Variants in NAALADL1 observed in about 807,000 individuals in gnomAD.
NAALADL1 encodes aminopeptidase NAALADL1.
Under a neutral mutation model 82.8 loss-of-function variants are expected in NAALADL1, and 77 were observed. The observed-to-expected ratio is 0.93, with a 90% CI of 0.77 to 1.12. The LOEUF (loss-of-function observed/expected upper bound fraction) is 1.12. Among genes scored for constraint, NAALADL1 ranks in the 50% most tolerant of loss-of-function variants. The pLI is 0.00. For missense variants in NAALADL1, 956 were observed against 964.0 expected (o/e 0.99, Z 0.11); for synonymous variants, 358 against 399.2 (o/e 0.90, Z 1.23).
chr11:65,061,139 C>T (rs145230087), upstream of NAALADL1, among the ~76,000 whole-genome samples: 4 of 152,298 alleles, frequency 2.6e-5, no homozygotes, highest in East Asian at 7.7e-4. Context: ...CACCCTTGCC[C>T]CTGGATGTGC....
chr11:65,053,674 G>T lies in NAALADL1; in HGVS notation c.993-98C>A. 4.5e-6 allele frequency: 5 copies of T among 1,104,732 alleles called. No individual in the cohort carries two copies. The highest frequency in any genetic ancestry group is 3.2e-5 in the South Asian group (2 of 62,634). 68.4% of individuals were successfully genotyped at this position (1,104,732 alleles called of 1,614,324 possible). ...AGGCCCGGAGCTGGAAAGTGACGTGGCAAGGCCATTCATTGGCCCCGAAGT... is the reference window on the plus strand; with the variant it reads ...AGGCCCGGAGCTGGAAAGTGACGTGTCAAGGCCATTCATTGGCCCCGAAGT... On this transcript the variant is annotated intron_variant, in intron 6 of 17. Coordinates refer to ENST00000358658, the MANE Select transcript of NAALADL1 (RefSeq NM_005468.3). This position sits in a 1 kb window ranked among gnomAD's most constrained non-coding sequence, Gnocchi z 4.3.
At position 65,047,343 on chromosome 11, in the gene NAALADL1, T is replaced by G. The variant is rs555963273; in HGVS notation, c.1599+132A>C. ...TGTATTTCTGTGTGTGTGTGTGTTT[T>G]TTTTTAAGAAACTTGGCAGAGGTAG... On this transcript the variant is annotated intron_variant, in intron 13 of 17. Coordinates refer to ENST00000358658, the MANE Select transcript of NAALADL1 (RefSeq NM_005468.3). 549 of 742,804 alleles carry G rather than the reference T, an allele frequency of 7.4e-4. 8 individuals carry two copies. The South Asian group carries it at 8.0e-3, about 11-fold the overall frequency. The allele number at this position is 742,804 out of a possible 1,614,324, so 46.0% of individuals were successfully genotyped here.
At chr11:65,060,903 T>C (rs1281023219), upstream of NAALADL1, among the ~76,000 whole-genome samples, 1 of 152,028 alleles carries the variant, frequency 6.6e-6, no homozygotes, top group Non-Finnish European at 1.5e-5. Context: ...GGGTCTTCAA[T>C]CCTCCAGGAC....
chr11:65,055,935 G>C (rs1173303249), intron 4 of NAALADL1, among the ~76,000 whole-genome samples: 5 of 148,858 alleles, frequency 3.4e-5, no homozygotes, highest in African/African-American at 1.2e-4. Flanking sequence ...CCCCAGGCTG[G>C]AGTGCAATGG....
At chr11:65,045,763 G>C (rs1258200115) in intron 17 of NAALADL1, 59 bp downstream of exon 17, 1 of 1,505,780 alleles carries the variant, frequency 6.6e-7, no homozygotes, top group African/African-American at 1.4e-5. Flanking sequence ...CGTCTCAGGT[G>C]GGGAGCCATT....
chr11:65,046,379 A>T lies in NAALADL1; in HGVS notation c.1682-17T>A, dbSNP rs200748340. ...TGCTGAAGCCTGCGGCAAGGTGACAAGGCCAGGGCTCAGTCTTCAGCCTCT... is the reference window on the plus strand; with the variant it reads ...TGCTGAAGCCTGCGGCAAGGTGACATGGCCAGGGCTCAGTCTTCAGCCTCT... On this transcript the variant is annotated splice_polypyrimidine_tract_variant and intron_variant, in intron 14 of 17. Transcript: ENST00000358658. The T allele has an allele frequency of 6.2e-7, 1 of 1,614,178 alleles. No individual in the cohort carries two copies. Among genetic ancestry groups the T allele is most frequent in the East Asian group, 2.2e-5 (1 of 44,888 alleles).
In NAALADL1 at chr11:65,057,359, ACTGCCACTCACCTT is replaced by A; in HGVS notation, c.601_603+11del. On this transcript the variant is annotated splice_donor_variant and splice_donor_5th_base_variant and coding_sequence_variant and intron_variant, in exon 4 of 18. Transcript: ENST00000358658. LOFTEE classifies it high-confidence loss of function. Reference sequence around the variant, plus strand: ...TCACCGAGGCCTCCTGCACTGGGGGACTGCCACTCACCTTGGCCCCACGCCCTACACCCCCATAT... The same window carrying A: ...TCACCGAGGCCTCCTGCACTGGGGGAGGCCCCACGCCCTACACCCCCATAT... The A allele has an allele frequency of 6.3e-7, 1 of 1,597,596 alleles. No homozygotes were observed. The highest frequency in any genetic ancestry group is 8.5e-7 in the Non-Finnish European group (1 of 1,172,586).
rs1455883002 is a variant in NAALADL1 at position 65,054,484 on chromosome 11, A to C, written c.858T>G (p.Ile286Met). 6 of 1,614,124 alleles carry C rather than the reference A, an allele frequency of 3.7e-6. No homozygotes were observed. The highest frequency in any genetic ancestry group is 5.1e-6 in the Non-Finnish European group (6 of 1,180,032). Residue 286 changes from isoleucine (I) to methionine (M), a missense_variant, in exon 5 of 18, where the codon ATT becomes ATG. By Grantham distance (10) the Ile-to-Met change is conservative. Transcript: ENST00000358658. This position sits in a 1 kb window ranked among gnomAD's most constrained non-coding sequence, Gnocchi z 4.3. ...GCAGGTCTCTTGCATCCTGGAAGCC[A>C]ATGGGCTGTGTAGGAATTGGGGGAA... ...SGFPPIPTQP[I>M]GFQDARDLLC...
chr11:65,058,025 G>C, intron 2 of NAALADL1, 29 bp from the exon 3 acceptor site: 1 of 1,613,860 alleles, frequency 6.2e-7, no homozygotes, highest in Non-Finnish European at 8.5e-7. Flanking sequence ...TATCATGGCT[G>C]GGCCCAGCAG....
chr11:65,053,101 C>A lies in NAALADL1; in HGVS notation c.1198+117G>T. On this transcript the variant is annotated intron_variant, in intron 8 of 17. Coordinates refer to ENST00000358658, the MANE Select transcript of NAALADL1 (RefSeq NM_005468.3). This position sits in a 1 kb window ranked among gnomAD's most constrained non-coding sequence, Gnocchi z 4.3. ...CCAAGGCTGGTGTCATGCATGTCTG[C>A]CCCCAGGGCCCTCAGGCATGGCACA... 7.7e-7 allele frequency: 1 copy of A among 1,304,816 alleles called. No individual in the cohort carries two copies. The highest frequency in any genetic ancestry group is 1.0e-6 in the Non-Finnish European group (1 of 970,598). The allele number at this position is 1,304,816 out of a possible 1,614,324, so 80.8% of individuals were successfully genotyped here.
chr11:65,047,618 T>C, intron 12 of NAALADL1, 29 bp downstream of exon 12: 1 of 1,587,026 alleles, frequency 6.3e-7, no homozygotes, highest in Non-Finnish European at 8.6e-7. Context: ...ACCGCCTCGC[T>C]CCGGGCCCCC....
At chr11:65,047,625 C>T (rs1291696352) in intron 12 of NAALADL1, 22 bp downstream of exon 12, 3 of 1,591,810 alleles carry the variant, frequency 1.9e-6, no homozygotes, top group South Asian at 1.1e-5. Flanking sequence ...CGCTCCGGGC[C>T]CCCTTCTGTC....
At chr11:65,046,399 G>T in intron 14 of NAALADL1, 37 bp from the exon 15 acceptor site, 1 of 1,614,204 alleles carries the variant, frequency 6.2e-7, no homozygotes, top group Non-Finnish European at 8.5e-7. Context: ...TCAGTCTTCA[G>T]CCTCTCCTGT....
At position 65,048,033 on chromosome 11, in the gene NAALADL1, C is replaced by T. The variant is rs147134787; in HGVS notation, c.1364G>A (p.Arg455Lys). ...CTGGACAGGGGGCGTCCCCTGCACC[C>T]TAAGGGTAGCGTTGGCTGTGGGAGG... is the stretch of plus-strand genomic sequence containing the variant. ...DISVFANATL[R>K]VQGTPPVQSV... The change falls in exon 11 of 18, where the codon AGG becomes AAG. Residue 455 changes from arginine to lysine, a missense_variant. Arg to Lys is a conservative substitution (Grantham distance 26). Coordinates refer to ENST00000358658, the MANE Select transcript of NAALADL1 (RefSeq NM_005468.3). 1.9e-6 allele frequency: 3 copies of T among 1,613,886 alleles called. No homozygotes were observed. Among genetic ancestry groups the T allele is most frequent in the Non-Finnish European group, 2.5e-6 (3 of 1,179,964 alleles).
intron 8 of NAALADL1, among the ~76,000 whole-genome samples, chr11:65,051,935 C>A (rs538682250): frequency 2.0e-5 from 3 of 152,064 alleles, no homozygotes; most frequent in African/African-American, 7.2e-5. Flanking sequence ...GAGGGCCTGG[C>A]GTGGAAACTC....
In NAALADL1 at chr11:65,054,836, C is replaced by T; in HGVS notation, c.604-98G>A. ...CCTCGACTGTGGAAGCCAGGATAGACCAATCTTCCATGGGCAAGATGACGT... is the reference window on the plus strand; with the variant it reads ...CCTCGACTGTGGAAGCCAGGATAGATCAATCTTCCATGGGCAAGATGACGT... On this transcript the variant is annotated intron_variant, in intron 4 of 17. Transcript: ENST00000358658. The surrounding 1 kb of genome is among the most constrained non-coding windows in gnomAD (Gnocchi z 4.3). The T allele has an allele frequency of 7.0e-7, 1 of 1,438,080 alleles. No individual in the cohort carries two copies. Among genetic ancestry groups the T allele is most frequent in the Admixed American group, 2.2e-5 (1 of 44,678 alleles). 89.1% of individuals were successfully genotyped at this position (1,438,080 alleles called of 1,614,324 possible). A position where few individuals can be genotyped will look rare whatever the true frequency, so the allele number is the denominator to read the frequency against.
rs866295338 is a variant in NAALADL1 at position 65,045,604 on chromosome 11, C to T, written c.2037-147G>A. ...GTCTCTGAAGGCCAGGGAGCTCTTA[C>T]AGCAGTGGCGGTCGGGGGAGGAAAT... On this transcript the variant is annotated intron_variant, in intron 17 of 17. Coordinates refer to ENST00000358658, the MANE Select transcript of NAALADL1 (RefSeq NM_005468.3). The T allele has an allele frequency of 6.1e-6, 6 of 983,882 alleles. No individual in the cohort carries two copies. In the South Asian group the frequency reaches 1.0e-4, roughly 17 times the overall value. The allele number at this position is 983,882 out of a possible 1,614,324, so 60.9% of individuals were successfully genotyped here. A position where few individuals can be genotyped will look rare whatever the true frequency, so the allele number is the denominator to read the frequency against.
intron 8 of NAALADL1, among the ~76,000 whole-genome samples, chr11:65,052,563 C>G (rs537965808): frequency 6.6e-6 from 1 of 152,158 alleles, no homozygotes; most frequent in South Asian, 2.1e-4. Context: ...CTGCCTGCCT[C>G]GGCCTCCCAG....
Position 65,054,317 on chromosome 11 carries a change from C to T in NAALADL1, c.925G>A (p.Gly309Arg), listed in dbSNP as rs1453031217. 6.2e-7 allele frequency: 1 copy of T among 1,613,966 alleles called. No homozygotes were observed. Residue 309 changes from glycine to arginine, a missense_variant, in exon 6 of 18, where the codon GGA becomes AGA. By Grantham distance (125) the Gly-to-Arg change is moderately radical (BLOSUM62 -2). Coordinates refer to ENST00000358658, the MANE Select transcript of NAALADL1 (RefSeq NM_005468.3). The surrounding 1 kb of genome is among the most constrained non-coding windows in gnomAD (Gnocchi z 4.3). ...AACCTGTAGTGGCAGCCCAGTGCTC[C>T]CTGCCAGGTGGCTGGGGCCAAAGTT... ...NGTLAPATWQ[G>R]ALGCHYRLGP... is the part of the protein sequence containing the mutation.
Sources: gnomAD v4.1 joint callset for allele counts (sites outside exome capture counted in the v4.1 genomes callset) on GRCh38, gnomAD v4.1.1 for gene constraint, Gnocchi (gnomAD v3.1) non-coding constraint, MANE v1.5 for transcripts, NCBI Gene and HGNC (gene_info 2026-07-23, HGNC 2026-07-21) for gene names.